SIGMAR1: variants seen among roughly 807,000 people sequenced by gnomAD.
SIGMAR1 encodes SR31747 binding protein 1.
A neutral mutation model predicts 25.4 loss-of-function variants in SIGMAR1; 18 were observed. The ratio of observed to expected loss-of-function variants is 0.71; its 90% CI spans 0.49 to 1.05. SIGMAR1 has a LOEUF of 1.05. Ranked by LOEUF, SIGMAR1 falls within the 50% of genes least tolerant of loss-of-function variation. The pLI is 0.00. For missense variants in SIGMAR1, 249 were observed against 301.6 expected, an observed-to-expected ratio of 0.83 and a Z score of 1.29; for synonymous variants, 125 against 131.6, an observed-to-expected ratio of 0.95 and a Z score of 0.34.
chr9:34,637,769 G>C lies in SIGMAR1; in HGVS notation c.-72C>G. The C allele has an allele frequency of 1.7e-6, 2 of 1,151,266 alleles. No individual in the cohort carries two copies. The highest frequency in any genetic ancestry group is 3.1e-5 in the East Asian group (1 of 32,350). 71.3% of individuals were successfully genotyped at this position (1,151,266 alleles called of 1,614,324 possible). A position where few individuals can be genotyped will look rare whatever the true frequency, so the allele number is the denominator to read the frequency against. ...CTGAGGCTTTGCGCTCACGGCCTCG[G>C]AGCCCGCCGGCTGCCCACGAAGCGC... On this transcript the variant is annotated 5_prime_UTR_variant, in exon 1 of 4. Coordinates refer to ENST00000277010, the MANE Select transcript of SIGMAR1 (RefSeq NM_005866.4).
At position 34,637,725 on chromosome 9, in the gene SIGMAR1, C is replaced by T; in HGVS notation, c.-28G>A. 1.4e-6 allele frequency: 2 copies of T among 1,458,746 alleles called. No individual in the cohort carries two copies. Among genetic ancestry groups the T allele is most frequent in the African/African-American group, 1.4e-5 (1 of 69,464 alleles). 90.4% of individuals were successfully genotyped at this position (1,458,746 alleles called of 1,614,324 possible). On this transcript the variant is annotated 5_prime_UTR_variant, in exon 1 of 4. Coordinates refer to ENST00000277010, the MANE Select transcript of SIGMAR1 (RefSeq NM_005866.4). ...CGGCGGGCGGCCTGGCACGGCGCAG[C>T]TCAGGAGGGAGCCGGGGCCTGAGGC...
In SIGMAR1 at chr9:34,635,946, G is replaced by A. The variant is rs1820841140; in HGVS notation, c.446-88C>T. The A allele has an allele frequency of 6.3e-7, 1 of 1,575,676 alleles. No individual in the cohort carries two copies. The highest frequency in any genetic ancestry group is 8.6e-7 in the Non-Finnish European group (1 of 1,160,906). ...TTCCCTGGCCCATGGACTAACTAGG[G>A]GTGGGGAATGGAGAGGGAGCTTCAG... On this transcript the variant is annotated intron_variant, in intron 3 of 3. Coordinates refer to ENST00000277010, the MANE Select transcript of SIGMAR1 (RefSeq NM_005866.4). This position sits in a 1 kb window ranked among gnomAD's most constrained non-coding sequence, Gnocchi z 4.5.
At position 34,634,910 on chromosome 9, in the gene SIGMAR1, A is replaced by C. The variant is rs1820784626; in HGVS notation, c.*722T>G. The C allele has an allele frequency of 6.4e-6, 1 of 156,872 alleles. No individual in the cohort carries two copies. The highest frequency in any genetic ancestry group is 1.4e-5 in the Non-Finnish European group (1 of 70,658). The allele number at this position is 156,872 out of a possible 1,614,324, so 9.7% of individuals were successfully genotyped here. A position where few individuals can be genotyped will look rare whatever the true frequency, so the allele number is the denominator to read the frequency against. On this transcript the variant is annotated 3_prime_UTR_variant, in exon 4 of 4. Coordinates refer to ENST00000277010, the MANE Select transcript of SIGMAR1 (RefSeq NM_005866.4). ...GCCCACCTGTCTAGATCCTCTCCTCAGTGGTGGGTCCTGGGCTGAAACCAG... is the reference window on the plus strand; with the variant it reads ...GCCCACCTGTCTAGATCCTCTCCTCCGTGGTGGGTCCTGGGCTGAAACCAG...
Position 34,637,229 on chromosome 9 carries a change from C to T in SIGMAR1, c.343G>A (p.Gly115Ser), listed in dbSNP as rs1314913258. 1 of 1,558,926 alleles carries T rather than the reference C, an allele frequency of 6.4e-7. No individual in the cohort carries two copies. Among genetic ancestry groups the T allele is most frequent in the Non-Finnish European group, 8.6e-7 (1 of 1,156,508 alleles). ...LLFGTALGSRGHSGRYWAEIS... is the reference protein window; with the variant it reads ...LLFGTALGSRSHSGRYWAEIS... The stretch of plus-strand genomic sequence containing the variant: ...CGCCGCTAGCACTGACCCGAGTGGC[C>T]GCGGGAGCCCAAGGCGGTGCCGAAG... The change falls in exon 2 of 4, where the codon GGC (glycine) becomes AGC (serine). Residue 115 changes from glycine (G) to serine (S), a missense_variant. By Grantham distance (56) the Gly-to-Ser change is moderately conservative. Coordinates refer to ENST00000277010, the MANE Select transcript of SIGMAR1 (RefSeq NM_005866.4).
intron 3 of SIGMAR1, chr9:34,636,747 T>C: frequency 3.5e-6 from 2 of 577,754 alleles, no homozygotes; most frequent in Admixed American, 3.0e-5. Flanking sequence ...CTGGGCAAAA[T>C]TGTGCCTGGG....
Position 34,635,702 on chromosome 9 carries a change from T to A in SIGMAR1, c.602A>T (p.Tyr201Phe). 6.2e-7 allele frequency: 1 copy of A among 1,614,140 alleles called. No individual in the cohort carries two copies. The highest frequency in any genetic ancestry group is 8.5e-7 in the Non-Finnish European group (1 of 1,180,012). ...GCCCCGAGCATAGGAGCGAAGAGTA[T>A]AGAAGAGGGTGAGGAAGTCCTGGGT... ...FSTQDFLTLF[Y>F]TLRSYARGLR... Residue 201 changes from tyrosine (Y) to phenylalanine (F), a missense_variant, in exon 4 of 4, where the codon TAT (tyrosine) becomes TTT (phenylalanine). By Grantham distance (22) the Tyr-to-Phe change is conservative. Coordinates refer to ENST00000277010, the MANE Select transcript of SIGMAR1 (RefSeq NM_005866.4). The surrounding 1 kb of genome is among the most constrained non-coding windows in gnomAD (Gnocchi z 4.5).
Position 34,637,094 on chromosome 9 carries a change from G to A in SIGMAR1, c.353-5C>T. Reference sequence around the variant, plus strand: ...AGATCTCAGCCCAGTAGCGCCCTGAGTGACAATCGCACATGACACTATCAG... The same window carrying A: ...AGATCTCAGCCCAGTAGCGCCCTGAATGACAATCGCACATGACACTATCAG... On this transcript the variant is annotated splice_polypyrimidine_tract_variant and splice_region_variant and intron_variant, in intron 2 of 3. Transcript: ENST00000277010. 1 of 1,613,946 alleles carries A rather than the reference G, an allele frequency of 6.2e-7. No homozygotes were observed. Among genetic ancestry groups the A allele is most frequent in the Non-Finnish European group, 8.5e-7 (1 of 1,180,036 alleles).
At position 34,637,757 on chromosome 9, in the gene SIGMAR1, C is replaced by T. The variant is rs1169405374; in HGVS notation, c.-60G>A. On this transcript the variant is annotated 5_prime_UTR_variant, in exon 1 of 4. Coordinates refer to ENST00000277010, the MANE Select transcript of SIGMAR1 (RefSeq NM_005866.4). ...GGGAGCCGGGGCCTGAGGCTTTGCG[C>T]TCACGGCCTCGGAGCCCGCCGGCTG... 8.0e-7 allele frequency: 1 copy of T among 1,256,434 alleles called. No individual in the cohort carries two copies. Among genetic ancestry groups the T allele is most frequent in the East Asian group, 3.0e-5 (1 of 33,668 alleles). The allele number at this position is 1,256,434 out of a possible 1,614,324, so 77.8% of individuals were successfully genotyped here. A position where few individuals can be genotyped will look rare whatever the true frequency, so the allele number is the denominator to read the frequency against.
chr9:34,636,677 T>TG (rs1820876898), intron 3 of SIGMAR1: 1 of 455,664 alleles, frequency 2.2e-6, no homozygotes. Flanking sequence ...TCTTGTCTTT[T>TG]GGGGTATTGA....
rs773344340 is a variant in SIGMAR1, at chr9:34,637,325, A to G, written c.247T>C (p.Phe83Leu). 26 of 1,603,242 alleles carry G rather than the reference A, an allele frequency of 1.6e-5. No individual in the cohort carries two copies. The highest frequency in any genetic ancestry group is 2.2e-5 in the Non-Finnish European group (26 of 1,178,154). The stretch of plus-strand genomic sequence containing the variant: ...CCCATCCAGCCACCCGCATTCACGA[A>G]CACCCACTGCAGCTCCTCGTCGGGC... ...VLPDEELQWV[F>L]VNAGGWMGAM... Residue 83 changes from phenylalanine (F) to leucine (L), a missense_variant, in exon 2 of 4, where the codon TTC (phenylalanine) becomes CTC (leucine). Transcript: ENST00000277010.
At position 34,635,440 on chromosome 9, in the gene SIGMAR1, CTA is replaced by C; in HGVS notation, c.*190_*191del. ...CTACTGTACACACAGGTCTCAGTAT[CTA>C]TATGTGTCTCATTTGTTCCCATGGG... On this transcript the variant is annotated 3_prime_UTR_variant, in exon 4 of 4. Coordinates refer to ENST00000277010, the MANE Select transcript of SIGMAR1 (RefSeq NM_005866.4). This position sits in a 1 kb window ranked among gnomAD's most constrained non-coding sequence, Gnocchi z 4.5. 1 of 814,742 alleles carries C rather than the reference CTA, an allele frequency of 1.2e-6. No homozygotes were observed. Among genetic ancestry groups the C allele is most frequent in the Non-Finnish European group, 2.0e-6 (1 of 507,538 alleles). 50.5% of individuals were successfully genotyped at this position (814,742 alleles called of 1,614,324 possible).
chr9:34,635,148 G>A lies in SIGMAR1; in HGVS notation c.*484C>T, dbSNP rs1297893073. ...GGAGAAGGGGAAGGGCATCATAGCT[G>A]CAGGTGAAGGGGGCCTCCAAAAGGC... On this transcript the variant is annotated 3_prime_UTR_variant, in exon 4 of 4. Transcript: ENST00000277010. The surrounding 1 kb of genome is among the most constrained non-coding windows in gnomAD (Gnocchi z 4.5). 4 of 248,964 alleles carry A rather than the reference G, an allele frequency of 1.6e-5. No individual in the cohort carries two copies. Among genetic ancestry groups the A allele is most frequent in the Non-Finnish European group, 1.6e-5 (2 of 124,828 alleles). 15.4% of individuals were successfully genotyped at this position (248,964 alleles called of 1,614,324 possible).
rs1338364754 is a variant in SIGMAR1 at position 34,637,204 on chromosome 9, C to T, written c.352+16G>A. ...ACAACCCCAGCCTCCCAGTCTGGCC[C>T]GCCGCTAGCACTGACCCGAGTGGCC... On this transcript the variant is annotated intron_variant, in intron 2 of 3. Coordinates refer to ENST00000277010, the MANE Select transcript of SIGMAR1 (RefSeq NM_005866.4). 9.0e-6 allele frequency: 14 copies of T among 1,555,672 alleles called. No homozygotes were observed. The highest frequency in any genetic ancestry group is 1.2e-5 in the Non-Finnish European group (14 of 1,154,812).
In SIGMAR1 at chr9:34,635,288, G is replaced by A. The variant is rs1191291273; in HGVS notation, c.*344C>T. On this transcript the variant is annotated 3_prime_UTR_variant, in exon 4 of 4. Transcript: ENST00000277010. The surrounding 1 kb of genome is among the most constrained non-coding windows in gnomAD (Gnocchi z 4.5). ...AGAACCCCGGTTTGGTGGGGAGGAG[G>A]TGGGAAGCTGTGGAGCTATGGAAAG... 4 of 371,960 alleles carry A rather than the reference G, an allele frequency of 1.1e-5. No individual in the cohort carries two copies. The highest frequency in any genetic ancestry group is 2.1e-5 in the African/African-American group (1 of 47,660). The allele number at this position is 371,960 out of a possible 1,614,324, so 23.0% of individuals were successfully genotyped here. A position where few individuals can be genotyped will look rare whatever the true frequency, so the allele number is the denominator to read the frequency against.
At chr9:34,637,140 G>A (rs1244960945) in intron 2 of SIGMAR1, 51 bp from the exon 3 acceptor site, 1 of 1,605,108 alleles carries the variant, frequency 6.2e-7, no homozygotes. Flanking sequence ...CCATTGCATG[G>A]CCCAGCCAAA....
Position 34,637,006 on chromosome 9 carries a change from A to G in SIGMAR1, c.436T>C (p.Phe146Leu). The G allele has an allele frequency of 6.2e-7, 1 of 1,613,986 alleles. No individual in the cohort carries two copies. Among genetic ancestry groups the G allele is most frequent in the Middle Eastern group, 1.6e-4 (1 of 6,062 alleles). The change falls in exon 3 of 4, where the codon TTC becomes CTC. Residue 146 changes from phenylalanine to leucine, a missense_variant. Phe to Leu is a conservative substitution (Grantham distance 22). Transcript: ENST00000277010. ...WREGTTKSEV[F>L]YPGETVVHGP... Reference sequence around the variant, plus strand: ...GAGCCTTCTTACCCACCTGGGTAGAAGACCTCACTTTTGGTGGTGCCCTCT... The same window carrying G: ...GAGCCTTCTTACCCACCTGGGTAGAGGACCTCACTTTTGGTGGTGCCCTCT...
Position 34,635,887 on chromosome 9 carries a change from A to T in SIGMAR1, c.446-29T>A. 1 of 1,613,058 alleles carries T rather than the reference A, an allele frequency of 6.2e-7. No individual in the cohort carries two copies. The highest frequency in any genetic ancestry group is 8.5e-7 in the Non-Finnish European group (1 of 1,179,916). The stretch of plus-strand genomic sequence containing the variant: ...GGGGACAGGGAGCACCCAAGTGAAA[A>T]GCCAGCTCTGCCCTGCCCTTCCATG... On this transcript the variant is annotated intron_variant, in intron 3 of 3. Transcript: ENST00000277010. This position sits in a 1 kb window ranked among gnomAD's most constrained non-coding sequence, Gnocchi z 4.5.
chr9:34,636,857 T>C, intron 3 of SIGMAR1, 140 bp downstream of exon 3: 1 of 735,146 alleles, frequency 1.4e-6, no homozygotes, highest in South Asian at 1.5e-5. Flanking sequence ...ACCAATCACC[T>C]GTGGCTTATG....
At chr9:34,636,704 C>G in intron 3 of SIGMAR1, 1 of 518,124 alleles carries the variant, frequency 1.9e-6, no homozygotes, top group Non-Finnish European at 3.5e-6. Flanking sequence ...TTCTGATTAC[C>G]CATTGTCTCC....
Sources: gnomAD v4.1 joint callset for allele counts on GRCh38, gnomAD v4.1.1 for gene constraint, Gnocchi (gnomAD v3.1) non-coding constraint, MANE v1.5 for transcripts, NCBI Gene and HGNC (gene_info 2026-07-23, HGNC 2026-07-21) for gene names.